ZNF334: variants seen among roughly 807,000 people sequenced by gnomAD.
The protein encoded by ZNF334 is zinc finger protein 334.
Under a neutral mutation model 12.4 loss-of-function variants are expected in ZNF334, and 14 were observed. That is an observed-to-expected ratio of 1.13 (90% CI 0.74 to 1.76). The LOEUF (loss-of-function observed/expected upper bound fraction) is 1.76, where lower values mean the gene tolerates loss of function less well. Ranked by LOEUF, ZNF334 falls within the 40% of genes most tolerant of loss-of-function variation. The pLI is 0.00. For synonymous variants in ZNF334, 273 were observed against 269.6 expected, an observed-to-expected ratio of 1.01 and a Z score of -0.12; for missense variants, 797 against 804.5, an observed-to-expected ratio of 0.99 and a Z score of 0.11.
At chr20:46,469,261 CA>C in the ZNF334 span, among the ~76,000 whole-genome samples, 2 of 152,096 alleles carry the variant, frequency 1.3e-5, no homozygotes, top group Non-Finnish European at 2.9e-5. Context: ...GTGAGTTAGG[CA>C]AGTCCAGTTT....
chr20:46,483,793 T>A, the ZNF334 span, among the ~76,000 whole-genome samples: 1 of 152,194 alleles, frequency 6.6e-6, no homozygotes, highest in Non-Finnish European at 1.5e-5. Flanking sequence ...CTTCATTAAC[T>A]TTTCATGTAA....
chr20:46,501,616 T>TAC lies in ZNF334; in HGVS notation c.1721_1722dup (p.Asn575ValfsTer130), dbSNP rs747349867. The TAC allele has an allele frequency of 6.8e-6, 11 of 1,614,088 alleles. No homozygotes were observed. The highest frequency in any genetic ancestry group is 9.3e-6 in the Non-Finnish European group (11 of 1,180,030). On this transcript the variant is annotated frameshift_variant, in exon 5 of 5. Transcript: ENST00000692313. LOFTEE classifies it low-confidence loss of function (END_TRUNC). ...TGACAGAAGGTTTTCCCACATTCAT[T>TAC]ACACTCATAGGGTCTCTGTCCTGTG... is the stretch of plus-strand genomic sequence containing the variant.
At chr20:46,475,575 CA>C in the ZNF334 span, among the ~76,000 whole-genome samples, 3 of 148,010 alleles carry the variant, frequency 2.0e-5, no homozygotes, top group African/African-American at 7.5e-5. Context: ...AACTCAACAG[CA>C]AAAAAAGAAA....
chr20:46,496,854 C>G (rs1204182830), downstream of ZNF334: 1 of 152,178 alleles, frequency 6.6e-6, no homozygotes, highest in African/African-American at 2.4e-5. Flanking sequence ...AGGACACCCA[C>G]ATCGTTTAGG....
the ZNF334 span, among the ~76,000 whole-genome samples, chr20:46,480,215 C>T: frequency 6.6e-6 from 1 of 152,142 alleles, no homozygotes; most frequent in Non-Finnish European, 1.5e-5. Flanking sequence ...ATTAATCACA[C>T]ATTTGCCAAG....
rs1216074239 is a variant in ZNF334, at chr20:46,502,529, A to G, written c.810T>C (p.Cys270=). ...TTGTCTTCACACGAAAAGTTTTCCT[A>G]CAATCACTACAAACATACGGTTTCT... is the stretch of plus-strand genomic sequence containing the variant. The part of the protein sequence containing the change: ...TGEKPYVCSD[C]RKTFRVKTSL... The change falls in exon 5 of 5, where the codon TGT becomes TGC. Residue 270 remains cysteine (C), a synonymous_variant. Coordinates refer to ENST00000692313, the MANE Select transcript of ZNF334 (RefSeq NM_001353824.2). The G allele has an allele frequency of 6.2e-7, 1 of 1,613,308 alleles. No individual in the cohort carries two copies. The highest frequency in any genetic ancestry group is 1.7e-5 in the Admixed American group (1 of 59,968).
Position 46,502,740 on chromosome 20 carries a change from T to A in ZNF334, c.599A>T (p.Gln200Leu). The part of the protein sequence containing the change: ...SNQNENLILH[Q>L]NIQILKQPFD... Reference sequence around the variant, plus strand: ...CGGTTGTTTCAAAATCTGAATGTTCTGGTGCAGAATAAGATTTTCGTTTTG... The same window carrying A: ...CGGTTGTTTCAAAATCTGAATGTTCAGGTGCAGAATAAGATTTTCGTTTTG... The change falls in exon 5 of 5, where the codon CAG becomes CTG. Residue 200 changes from glutamine to leucine, a missense_variant. Transcript: ENST00000692313. 2.5e-6 allele frequency: 4 copies of A among 1,613,912 alleles called. No individual in the cohort carries two copies. In the South Asian group the frequency reaches 4.4e-5, roughly 18 times the overall value.
At chr20:46,474,969 C>A in the ZNF334 span, among the ~76,000 whole-genome samples, 18 of 152,136 alleles carry the variant, frequency 1.2e-4, no homozygotes, top group Non-Finnish European at 2.1e-4. Flanking sequence ...GAAACAGAGG[C>A]ACAGATAGAT....
chr20:46,471,660 T>A, the ZNF334 span, among the ~76,000 whole-genome samples: 4 of 152,198 alleles, frequency 2.6e-5, no homozygotes, highest in Non-Finnish European at 2.9e-5. Context: ...TTCTTTCTCA[T>A]ATAATTTCCC....
chr20:46,463,195 C>T, the ZNF334 span, among the ~76,000 whole-genome samples: 39 of 152,232 alleles, frequency 2.6e-4, 3 homozygotes, highest in South Asian at 7.9e-3. Context: ...TGCAGTGAGC[C>T]GAGATCGTGT....
At chr20:46,488,804 G>GGTTTT in the ZNF334 span, among the ~76,000 whole-genome samples, 3 of 104,122 alleles carry the variant, frequency 2.9e-5, no homozygotes, top group African/African-American at 4.0e-5. Flanking sequence ...CTAGTTAATA[G>GGTTTT]TTTTTTTTTT....
downstream of ZNF334, among the ~76,000 whole-genome samples, chr20:46,498,374 C>T (rs529636890): frequency 6.6e-6 from 1 of 152,140 alleles, no homozygotes; most frequent in East Asian, 1.9e-4. Flanking sequence ...CCGGCTGCCA[C>T]GTTGTGAGGA....
At chr20:46,492,354 A>T in the ZNF334 span, 2 of 153,014 alleles carry the variant, frequency 1.3e-5, no homozygotes, top group African/African-American at 4.8e-5. Context: ...AACTTTACTA[A>T]ACATCAGAAA....
chr20:46,488,419 T>TTATTTATATATATATATATATATA, the ZNF334 span, among the ~76,000 whole-genome samples: 243 of 102,120 alleles, frequency 2.4e-3, 6 homozygotes, highest in South Asian at 4.6e-3. Flanking sequence ...AGCTCTTATT[T>TTATTTATATATATATATATATATA]TATATATATA....
chr20:46,486,337 C>T, the ZNF334 span, among the ~76,000 whole-genome samples: 1 of 152,176 alleles, frequency 6.6e-6, no homozygotes, highest in Admixed American at 6.5e-5. Context: ...TCGCTTGAAC[C>T]TGGGAGGCAG....
chr20:46,464,287 G>A, the ZNF334 span: 2 of 554,204 alleles, frequency 3.6e-6, no homozygotes, highest in South Asian at 2.9e-5. Context: ...CTCCCGCCTG[G>A]TACTCACTGG....
chr20:46,466,685 T>C, the ZNF334 span, among the ~76,000 whole-genome samples: 2 of 152,090 alleles, frequency 1.3e-5, no homozygotes, highest in African/African-American at 4.8e-5. Context: ...GGTTTTGCCA[T>C]TTTGGCCAAG....
At chr20:46,511,112 C>T (rs1461757268) in intron 2 of ZNF334, among the ~76,000 whole-genome samples, 2 of 151,866 alleles carry the variant, frequency 1.3e-5, no homozygotes, top group African/African-American at 4.8e-5. Flanking sequence ...TGATTACAAG[C>T]TGGGTGTGGC....
At chr20:46,477,750 A>C in the ZNF334 span, among the ~76,000 whole-genome samples, 1 of 152,196 alleles carries the variant, frequency 6.6e-6, no homozygotes, top group Non-Finnish European at 1.5e-5. Context: ...CCCTTTTCTC[A>C]ACCCCAAAAT....
Sources: allele counts gnomAD v4.1 joint callset (sites outside exome capture counted in the v4.1 genomes callset), GRCh38; gene constraint gnomAD v4.1.1; transcripts MANE v1.5; gene names NCBI Gene and HGNC (gene_info 2026-07-23, HGNC 2026-07-21).